SEC23A: variants seen among roughly 807,000 people sequenced by gnomAD.
SEC23A encodes the protein SEC23 homolog A, COPII component, also known as protein transport protein Sec23A.
SEC23A carries 56 observed loss-of-function variants against 103.7 expected under a neutral mutation model. That is an observed-to-expected ratio of 0.54 (90% CI 0.44 to 0.67). The LOEUF (loss-of-function observed/expected upper bound fraction) is 0.67, where lower values mean the gene tolerates loss of function less well. Ranked by LOEUF, SEC23A falls within the 30% of genes least tolerant of loss-of-function variation. The pLI is 0.00. For synonymous variants in SEC23A, 281 were observed against 293.0 expected (o/e 0.96, Z 0.42); for missense variants, 784 against 936.4 (o/e 0.84, Z 2.12).
At chr14:39,076,867 C>T in intron 7 of SEC23A, among the ~76,000 whole-genome samples, 1 of 150,596 alleles carries the variant, frequency 6.6e-6, no homozygotes, top group Non-Finnish European at 1.5e-5. Flanking sequence ...GTGGAGGTCG[C>T]AGTGAGCCAA....
At chr14:39,072,180 C>G (rs1433726307) in intron 9 of SEC23A, among the ~76,000 whole-genome samples, 4 of 151,054 alleles carry the variant, frequency 2.6e-5, no homozygotes, top group Admixed American at 2.0e-4. Context: ...TCCAGTGAGC[C>G]TAGATCGCAC....
At chr14:39,102,187 G>A (rs1888126044) in intron 1 of SEC23A, among the ~76,000 whole-genome samples, 1 of 151,746 alleles carries the variant, frequency 6.6e-6, no homozygotes, top group Admixed American at 6.6e-5. Context: ...AGCCGAGATT[G>A]CGCCACTGCA....
At position 39,099,143 on chromosome 14, in the gene SEC23A, A is replaced by G. The variant is rs1887993249; in HGVS notation, c.-21-3004T>C. Among the ~76,000 whole-genome samples, 3 of 146,028 alleles carry G rather than the reference A, an allele frequency of 2.1e-5. No individual in the cohort carries two copies. The South Asian group carries it at 6.5e-4, about 31-fold the overall frequency. On this transcript the variant is annotated intron_variant, in intron 1 of 19. Transcript: ENST00000307712. The stretch of plus-strand genomic sequence containing the variant: ...ATTTGAGCTTTCAAGCAAACATTAA[A>G]TTGTTTTTGGGTTTTTTTTTTTTTT...
intron 1 of SEC23A, among the ~76,000 whole-genome samples, chr14:39,099,154 GTTTTTTTTTTT>G (rs35763261): frequency 1.2e-5 from 1 of 83,644 alleles, no homozygotes; most frequent in Non-Finnish European, 2.4e-5. Flanking sequence ...TTGTTTTTGG[GTTTTTTTTTTT>G]TTTTTTTTTT....
At chr14:39,034,158 T>C (rs974654713) in intron 19 of SEC23A, among the ~76,000 whole-genome samples, 1 of 152,204 alleles carries the variant, frequency 6.6e-6, no homozygotes, top group African/African-American at 2.4e-5. Context: ...GATTTGATAA[T>C]GAAGGGAGGC....
intron 2 of SEC23A, among the ~76,000 whole-genome samples, chr14:39,094,397 CATATATATAT>C (rs1242407974): frequency 8.8e-4 from 7 of 7,910 alleles, no homozygotes; most frequent in East Asian, 8.5e-3. Flanking sequence ...CACACACACA[CATATATATAT>C]ATATATATAT....
intron 13 of SEC23A, among the ~76,000 whole-genome samples, chr14:39,057,928 T>G (rs1009086562): frequency 6.6e-6 from 1 of 152,256 alleles, no homozygotes; most frequent in African/African-American, 2.4e-5. Context: ...TACTTTGTAT[T>G]CTTTTATTTC....
intron 5 of SEC23A, chr14:39,088,803 G>C (rs1887552306): frequency 6.6e-6 from 1 of 152,026 alleles, no homozygotes; most frequent in South Asian, 2.1e-4. Flanking sequence ...GGGAGGCTGA[G>C]GCAGGGGGAT....
intron 9 of SEC23A, among the ~76,000 whole-genome samples, chr14:39,073,128 T>C (rs529571529): frequency 1.8e-4 from 27 of 152,336 alleles, no homozygotes; most frequent in African/African-American, 5.5e-4. Context: ...AAATGTGGTG[T>C]ATCCATCAAA....
At chr14:39,067,805 G>T (rs1331194799) in intron 9 of SEC23A, among the ~76,000 whole-genome samples, 1 of 151,454 alleles carries the variant, frequency 6.6e-6, no homozygotes, top group Admixed American at 6.6e-5. Flanking sequence ...CAAGTAGCTG[G>T]ACTACAGGTT....
intron 15 of SEC23A, 102 bp downstream of exon 15, chr14:39,048,550 T>C (rs965749842): frequency 2.7e-6 from 2 of 754,058 alleles, no homozygotes; most frequent in Non-Finnish European, 4.6e-6. Context: ...CAGTGAGCTA[T>C]GATGGAGCCA....
intron 14 of SEC23A, among the ~76,000 whole-genome samples, chr14:39,049,844 G>A (rs1440995054): frequency 1.3e-5 from 2 of 151,210 alleles, no homozygotes; most frequent in East Asian, 4.0e-4. Flanking sequence ...CCAGGATGGA[G>A]TGCAGTGGCG....
At chr14:39,093,815 C>T (rs1262457845) in intron 2 of SEC23A, among the ~76,000 whole-genome samples, 1 of 151,928 alleles carries the variant, frequency 6.6e-6, no homozygotes, top group Non-Finnish European at 1.5e-5. Flanking sequence ...TAAAATAATC[C>T]TATTTTTTTC....
intron 7 of SEC23A, among the ~76,000 whole-genome samples, chr14:39,078,026 AATCACT>A (rs1169202224): frequency 2.6e-5 from 4 of 152,072 alleles, no homozygotes; most frequent in Non-Finnish European, 4.4e-5. Flanking sequence ...AAGGTGGGAG[AATCACT>A]TTAGCCCAGG....
chr14:39,052,728 A>G (rs1319516480), intron 14 of SEC23A, among the ~76,000 whole-genome samples: 4 of 152,234 alleles, frequency 2.6e-5, no homozygotes, highest in African/African-American at 9.6e-5. Flanking sequence ...AAAACTAAGG[A>G]AGCAAGCTAT....
chr14:39,077,455 T>C (rs370803485), intron 7 of SEC23A, among the ~76,000 whole-genome samples: 13 of 151,608 alleles, frequency 8.6e-5, no homozygotes, highest in East Asian at 5.9e-4. Flanking sequence ...AGGCAGAGAA[T>C]TGCTTGAACC....
chr14:39,054,648 G>A (rs1886181494), intron 14 of SEC23A, among the ~76,000 whole-genome samples: 1 of 151,398 alleles, frequency 6.6e-6, no homozygotes, highest in South Asian at 2.1e-4. Flanking sequence ...ATTTTTTTTT[G>A]GAGAGACAGG....
chr14:39,064,826 T>C, intron 11 of SEC23A, 87 bp downstream of exon 11: 1 of 949,136 alleles, frequency 1.1e-6, no homozygotes, highest in Non-Finnish European at 1.7e-6. Flanking sequence ...GCAATCCTCC[T>C]GCCTCAGCTT....
intron 7 of SEC23A, among the ~76,000 whole-genome samples, chr14:39,077,183 G>GTA (rs1453246034): frequency 8.2e-6 from 1 of 121,428 alleles, no homozygotes; most frequent in Admixed American, 1.1e-4. Flanking sequence ...AGCCAAGATT[G>GTA]TACCACTGCA....
Sources: allele counts gnomAD v4.1 joint callset (sites outside exome capture counted in the v4.1 genomes callset), GRCh38; gene constraint gnomAD v4.1.1; transcripts MANE v1.5; gene names NCBI Gene and HGNC (gene_info 2026-07-23, HGNC 2026-07-21).